Variants in ILDR2 observed in about 807,000 individuals in gnomAD.
ILDR2 encodes immunoglobulin-like domain-containing receptor 2.
In ILDR2, 25 loss-of-function variants were observed where a neutral mutation model predicts 66.8. The observed-to-expected ratio is 0.37, with a 90% confidence interval of 0.27 to 0.52. ILDR2 has a LOEUF of 0.52. Among genes scored for constraint, ILDR2 ranks in the 20% least tolerant of loss-of-function variants. The probability of loss-of-function intolerance (pLI) is 0.88; values close to 1 mark genes in which losing one functional copy is unlikely to be tolerated. For synonymous variants in ILDR2, 367 were observed against 357.2 expected, an observed-to-expected ratio of 1.03 and a Z score of -0.31; for missense variants, 827 against 876.8, an observed-to-expected ratio of 0.94 and a Z score of 0.72.
chr1:166,946,682 T>A (rs1012964350), intron 3 of ILDR2, among the ~76,000 whole-genome samples: 1 of 152,202 alleles, frequency 6.6e-6, no homozygotes, highest in Non-Finnish European at 1.5e-5. Flanking sequence ...AATTCACTAA[T>A]GATCAAGCCA....
At position 166,917,002 on chromosome 1, in the gene ILDR2, T is replaced by G. The variant is rs1478896650; in HGVS notation, c.*2353A>C. The G allele has an allele frequency of 6.6e-6, 1 of 152,236 alleles. No homozygotes were observed. The highest frequency in any genetic ancestry group is 2.4e-5 in the African/African-American group (1 of 41,468). The allele number at this position is 152,236 out of a possible 1,614,324, so 9.4% of individuals were successfully genotyped here. On this transcript the variant is annotated 3_prime_UTR_variant, in exon 10 of 10. Transcript: ENST00000271417. ...TAATAGCTACCACAGCTACCCAATA[T>G]TCTCCAAAATTGCCTGAGCAAGTTG...
At chr1:166,963,863 C>T (rs1358424655) in intron 1 of ILDR2, among the ~76,000 whole-genome samples, 2 of 152,106 alleles carry the variant, frequency 1.3e-5, no homozygotes, top group African/African-American at 2.4e-5. Context: ...CTTGCCCACA[C>T]GTAAACAAGC....
chr1:166,927,082 T>C lies in ILDR2; in HGVS notation c.979A>G (p.Arg327Gly), dbSNP rs1242998017. 1.2e-6 allele frequency: 2 copies of C among 1,610,084 alleles called. No individual in the cohort carries two copies. The highest frequency in any genetic ancestry group is 1.7e-6 in the Non-Finnish European group (2 of 1,177,212). Residue 327 changes from arginine (R) to glycine (G), a missense_variant, in exon 7 of 10, where the codon AGG becomes GGG. Physicochemically the swap from Arg to Gly is moderately radical, Grantham distance 125. This residue lies in a region of ILDR2 where 437 missense variants were observed against 523.2 expected (regional missense o/e 0.84). Coordinates refer to ENST00000271417, the MANE Select transcript of ILDR2 (RefSeq NM_199351.3). ...KELAQFDPAR[R>G]MRGRYNNTIS... is the part of the protein sequence containing the mutation. The stretch of plus-strand genomic sequence containing the variant: ...AGATGCTCACATCTGCCTCTCATCC[T>C]TCTGGCTGGATCAAACTGAGCCAGC...
chr1:166,901,921 C>G (rs1387995959), intron 2 of ILDR2, among the ~76,000 whole-genome samples: 1 of 152,204 alleles, frequency 6.6e-6, no homozygotes, highest in Non-Finnish European at 1.5e-5. Flanking sequence ...AGTGCAGTGG[C>G]GTGATCTCGG....
At chr1:166,932,361 T>A (rs185060297) in intron 6 of ILDR2, among the ~76,000 whole-genome samples, 1 of 152,264 alleles carries the variant, frequency 6.6e-6, no homozygotes, top group East Asian at 1.9e-4. Flanking sequence ...TATTCAAAAC[T>A]CTTTCAAGGA....
At chr1:166,902,546 A>T (rs950452776) in intron 2 of ILDR2, among the ~76,000 whole-genome samples, 1 of 152,270 alleles carries the variant, frequency 6.6e-6, no homozygotes, top group African/African-American at 2.4e-5. Flanking sequence ...ATAATTAGAG[A>T]AATGACTTCT....
chr1:166,903,009 A>G (rs970624467), intron 2 of ILDR2, among the ~76,000 whole-genome samples: 1 of 152,150 alleles, frequency 6.6e-6, no homozygotes, highest in African/African-American at 2.4e-5. Flanking sequence ...CTCCACTGCC[A>G]TCGTCTTATT....
intron 1 of ILDR2, among the ~76,000 whole-genome samples, chr1:166,961,269 G>C (rs552874654): frequency 5.4e-4 from 82 of 152,030 alleles, no homozygotes; most frequent in African/African-American, 1.9e-3. Flanking sequence ...AGGAAGTTTG[G>C]GGTTTTGTTC....
chr1:166,926,043 G>T (rs1660260160), intron 7 of ILDR2, among the ~76,000 whole-genome samples: 1 of 152,222 alleles, frequency 6.6e-6, no homozygotes, highest in Non-Finnish European at 1.5e-5. Flanking sequence ...AGTCGGTGTG[G>T]TGGGAGGATA....
At chr1:166,939,077 T>G (rs1348320926) in intron 4 of ILDR2, among the ~76,000 whole-genome samples, 3 of 152,164 alleles carry the variant, frequency 2.0e-5, no homozygotes, top group African/African-American at 7.2e-5. Flanking sequence ...TTCCTAAGGT[T>G]TGAAAAAAAA....
chr1:166,975,288 G>A lies in ILDR2; in HGVS notation c.-20C>T, dbSNP rs775524897. 9 of 1,610,788 alleles carry A rather than the reference G, an allele frequency of 5.6e-6. No homozygotes were observed. In the African/African-American group the frequency reaches 1.2e-4, roughly 22 times the overall value. Reference sequence around the variant, plus strand: ...ATCCATCTTCCCCAACTTCCCAGCCGAATTACGGAGTGAGGAAAGTGGGAA... The same window carrying A: ...ATCCATCTTCCCCAACTTCCCAGCCAAATTACGGAGTGAGGAAAGTGGGAA... On this transcript the variant is annotated 5_prime_UTR_variant, in exon 1 of 10. Transcript: ENST00000271417.
chr1:166,921,376 C>A lies in ILDR2; in HGVS notation c.1215G>T (p.Gln405His). 6.4e-7 allele frequency: 1 copy of A among 1,562,056 alleles called. No individual in the cohort carries two copies. Among genetic ancestry groups the A allele is most frequent in the Non-Finnish European group, 8.7e-7 (1 of 1,150,956 alleles). The change falls in exon 9 of 10, where the codon CAG becomes CAT. Residue 405 changes from glutamine (Q) to histidine (H), a missense_variant. Gln to His is a conservative substitution (Grantham distance 24). Around this residue, in one of 2 missense-constraint regions of ILDR2, gnomAD observed 437 missense variants for 523.2 expected, o/e 0.84. Transcript: ENST00000271417. The surrounding 1 kb of genome is among the most constrained non-coding windows in gnomAD (Gnocchi z 5.3). ...KEDRESFRHSQPRSKSEMLSR... is the reference protein window; with the variant it reads ...KEDRESFRHSHPRSKSEMLSR... ...ACAGCATCTCCGACTTGGAGCGCGG[C>A]TGGCTGCGGGCAGAGAAGGAGGGGG...
At chr1:166,935,279 G>A (rs1448671260) in intron 6 of ILDR2, 22 bp downstream of exon 6, 1 of 1,613,620 alleles carries the variant, frequency 6.2e-7, no homozygotes, top group Non-Finnish European at 8.5e-7. Context: ...GCATGGGCAG[G>A]GCAGTCTGGA....
chr1:166,973,323 A>T (rs1351201027), intron 1 of ILDR2, among the ~76,000 whole-genome samples: 1 of 152,170 alleles, frequency 6.6e-6, no homozygotes, highest in East Asian at 1.9e-4. Flanking sequence ...GGAGAGGGCA[A>T]ATGAGACTGG....
intron 1 of ILDR2, among the ~76,000 whole-genome samples, chr1:166,974,552 C>T (rs1167835590): frequency 6.6e-6 from 1 of 152,168 alleles, no homozygotes; most frequent in Admixed American, 6.5e-5. Flanking sequence ...TTTTAGGGAG[C>T]GGAGAGTGCA....
Position 166,921,995 on chromosome 1 carries a change from T to C in ILDR2, c.1211+598A>G, listed in dbSNP as rs1243445725. Among the ~76,000 whole-genome samples the C allele has an allele frequency of 6.6e-6, 1 of 152,218 alleles. No individual in the cohort carries two copies. The highest frequency in any genetic ancestry group is 1.5e-5 in the Non-Finnish European group (1 of 68,028). ...GGCCACATCACCTGGGTAAGTGCCT[T>C]AGCACCTAGAAGTTTCCATTTTCCC... On this transcript the variant is annotated intron_variant, in intron 8 of 9. Coordinates refer to ENST00000271417, the MANE Select transcript of ILDR2 (RefSeq NM_199351.3). The surrounding 1 kb of genome is among the most constrained non-coding windows in gnomAD (Gnocchi z 5.3).
intron 6 of ILDR2, among the ~76,000 whole-genome samples, chr1:166,929,165 T>G (rs1660481075): frequency 6.6e-6 from 1 of 152,224 alleles, no homozygotes; most frequent in African/African-American, 2.4e-5. Context: ...GACTCAGTTT[T>G]CATGTCTATA....
At chr1:166,939,409 G>T in intron 4 of ILDR2, 105 bp downstream of exon 4, 1 of 922,834 alleles carries the variant, frequency 1.1e-6, no homozygotes, top group South Asian at 1.4e-5. Flanking sequence ...GAGACATATA[G>T]ACAAATGTGG....
chr1:166,905,467 A>G (rs1659330423), downstream of ILDR2, among the ~76,000 whole-genome samples: 1 of 152,206 alleles, frequency 6.6e-6, no homozygotes, highest in Non-Finnish European at 1.5e-5. Flanking sequence ...ACTAAATGAA[A>G]CTGAGGCTAA....
Sources: gnomAD v4.1 joint callset for allele counts (sites outside exome capture counted in the v4.1 genomes callset) on GRCh38, gnomAD v4.1.1 for gene constraint, gnomAD v4.1.1 regional missense constraint, Gnocchi (gnomAD v3.1) non-coding constraint, MANE v1.5 for transcripts, NCBI Gene and HGNC (gene_info 2026-07-23, HGNC 2026-07-21) for gene names.